Variants in CLIP2 observed in about 807,000 individuals in gnomAD.
CLIP2 encodes CAP-Gly domain-containing linker protein 2.
A neutral mutation model predicts 111.7 loss-of-function variants in CLIP2; 41 were observed. The ratio of observed to expected loss-of-function variants is 0.37; its 90% CI spans 0.29 to 0.48. The LOEUF (loss-of-function observed/expected upper bound fraction) is 0.48, where lower values mean the gene tolerates loss of function less well. Among genes scored for constraint, CLIP2 ranks in the 20% least tolerant of loss-of-function variants. The probability of loss-of-function intolerance (pLI) is 0.99; values close to 1 mark genes in which losing one functional copy is unlikely to be tolerated. For synonymous variants in CLIP2, 660 were observed against 644.2 expected, an observed-to-expected ratio of 1.02 and a Z score of -0.37; for missense variants, 1,160 against 1,422.1, an observed-to-expected ratio of 0.82 and a Z score of 2.96.
intron 1 of CLIP2, among the ~76,000 whole-genome samples, chr7:74,316,307 C>T (rs1211646549): frequency 6.6e-6 from 1 of 151,166 alleles, no homozygotes; most frequent in East Asian, 2.0e-4. Context: ...TGCAGTGGTG[C>T]CGTCATAGCT....
chr7:74,311,740 T>A (rs1476169061), intron 1 of CLIP2, among the ~76,000 whole-genome samples: 3 of 150,570 alleles, frequency 2.0e-5, no homozygotes, highest in East Asian at 3.9e-4. Flanking sequence ...CTAGACCCAG[T>A]CTCTACAAAA....
At position 74,404,252 on chromosome 7, in the gene CLIP2, G is replaced by A. The variant is rs1314199017; in HGVS notation, c.*404G>A. ...TCGGGTCTCCCCAGAGGGGCCGGCG[G>A]GGGCTGGGGAGGGGGTAAGTTTATC... On this transcript the variant is annotated 3_prime_UTR_variant, in exon 17 of 17. Transcript: ENST00000223398. 3 of 212,840 alleles carry A rather than the reference G, an allele frequency of 1.4e-5. No homozygotes were observed. The highest frequency in any genetic ancestry group is 1.9e-5 in the Non-Finnish European group (2 of 104,294). 13.2% of individuals were successfully genotyped at this position (212,840 alleles called of 1,614,324 possible). A position where few individuals can be genotyped will look rare whatever the true frequency, so the allele number is the denominator to read the frequency against.
At chr7:74,393,341 TC>T (rs1791350083) in intron 13 of CLIP2, among the ~76,000 whole-genome samples, 1 of 150,310 alleles carries the variant, frequency 6.7e-6, no homozygotes, top group Non-Finnish European at 1.5e-5. Flanking sequence ...CATTTGCATT[TC>T]TTTTTTTTTT....
intron 8 of CLIP2, among the ~76,000 whole-genome samples, chr7:74,365,288 G>A (rs1341919102): frequency 6.6e-6 from 1 of 152,106 alleles, no homozygotes; most frequent in African/African-American, 2.4e-5. Context: ...CACCATGGGG[G>A]CTTACTGAAG....
intron 1 of CLIP2, among the ~76,000 whole-genome samples, chr7:74,291,309 G>C (rs1554725342): frequency 6.6e-6 from 1 of 152,170 alleles, no homozygotes; most frequent in Non-Finnish European, 1.5e-5. Flanking sequence ...TGCAGGCTGG[G>C]AAGGTGGTGC....
At chr7:74,367,742 C>G (rs1188323927) in intron 8 of CLIP2, among the ~76,000 whole-genome samples, 2 of 152,138 alleles carry the variant, frequency 1.3e-5, no homozygotes, top group African/African-American at 4.8e-5. Context: ...TCCCCTAACA[C>G]CACCCCCCTT....
chr7:74,335,866 C>A (rs1425573766), intron 2 of CLIP2, among the ~76,000 whole-genome samples: 2 of 151,692 alleles, frequency 1.3e-5, no homozygotes, highest in Admixed American at 1.3e-4. Flanking sequence ...CCTCAGCCTC[C>A]TGAGTAGCTG....
At chr7:74,325,353 G>T (rs1271127158) in intron 2 of CLIP2, among the ~76,000 whole-genome samples, 1 of 152,156 alleles carries the variant, frequency 6.6e-6, no homozygotes, top group Admixed American at 6.6e-5. Context: ...GTCCTGGGTG[G>T]AGCAGCGTGG....
Position 74,397,109 on chromosome 7 carries a change from C to T in CLIP2, c.2756C>T (p.Ala919Val). 1 of 1,613,786 alleles carries T rather than the reference C, an allele frequency of 6.2e-7. No homozygotes were observed. Among genetic ancestry groups the T allele is most frequent in the Non-Finnish European group, 8.5e-7 (1 of 1,179,928 alleles). ...GAACTGCGGGTGTTGCTGCTGGAGGCCAATCGTCACTCCCCAGGGCCGGAG... is the reference window on the plus strand; with the variant it reads ...GAACTGCGGGTGTTGCTGCTGGAGGTCAATCGTCACTCCCCAGGGCCGGAG... ...LNELRVLLLEANRHSPGPERD... is the reference protein window; with the variant it reads ...LNELRVLLLEVNRHSPGPERD... The change falls in exon 14 of 17, where the codon GCC becomes GTC. Residue 919 changes from alanine to valine, a missense_variant. Around this residue, in one of 5 missense-constraint regions of CLIP2, gnomAD observed 676 missense variants for 777.8 expected, o/e 0.87. Coordinates refer to ENST00000223398, the MANE Select transcript of CLIP2 (RefSeq NM_003388.5).
intron 16 of CLIP2, among the ~76,000 whole-genome samples, chr7:74,402,386 G>A (rs570925270): frequency 1.4e-4 from 21 of 150,362 alleles, no homozygotes; most frequent in African/African-American, 3.2e-4. Context: ...GTAGGGTGGC[G>A]CACACCTGTA....
chr7:74,377,361 G>A (rs1286284867), intron 10 of CLIP2, among the ~76,000 whole-genome samples: 1 of 152,218 alleles, frequency 6.6e-6, no homozygotes, highest in Non-Finnish European at 1.5e-5. Flanking sequence ...AGTGGGGTCT[G>A]GAAGGCTAGA....
chr7:74,314,019 A>G (rs1278574394), intron 1 of CLIP2, among the ~76,000 whole-genome samples: 1 of 151,834 alleles, frequency 6.6e-6, no homozygotes, highest in African/African-American at 2.4e-5. Context: ...CCCCCTCTCT[A>G]CTAAAATACA....
intron 1 of CLIP2, among the ~76,000 whole-genome samples, chr7:74,309,575 C>T (rs988434364): frequency 1.3e-5 from 2 of 151,358 alleles, no homozygotes; most frequent in Non-Finnish European, 2.9e-5. Flanking sequence ...AACATTCATC[C>T]GGCCGGGCGT....
Position 74,372,971 on chromosome 7 carries a change from G to A in CLIP2, c.1420G>A (p.Glu474Lys). 6.2e-7 allele frequency: 1 copy of A among 1,601,496 alleles called. No individual in the cohort carries two copies. Among genetic ancestry groups the A allele is most frequent in the Non-Finnish European group, 8.5e-7 (1 of 1,176,360 alleles). ...QLEHARIGELEQSLLLEKAQA... is the reference protein window; with the variant it reads ...QLEHARIGELKQSLLLEKAQA... ...GGAGCACGCGCGCATTGGGGAGCTG[G>A]AACAGAGCCTGCTACTGGAGAAGGC... Residue 474 changes from glutamate (E) to lysine (K), a missense_variant, in exon 9 of 17, where the codon GAA (glutamate) becomes AAA (lysine). This residue lies in a region of CLIP2 where 676 missense variants were observed against 777.8 expected (regional missense o/e 0.87). Transcript: ENST00000223398.
Position 74,401,506 on chromosome 7 carries a change from C to A in CLIP2, c.3068C>A (p.Thr1023Asn). The A allele has an allele frequency of 7.4e-6, 12 of 1,614,072 alleles. No individual in the cohort carries two copies. Among genetic ancestry groups the A allele is most frequent in the Non-Finnish European group, 1.0e-5 (12 of 1,179,984 alleles). ...CAGTGTCTCCCCTAACTCTTCCAGA[C>A]CATCGGCAATTCCGGTTCTGCAAAC... ...AMRSCPDKAQ[T>N]IGNSGSANGI... Residue 1023 changes from threonine (T) to asparagine (N), a missense_variant and splice_region_variant, in exon 16 of 17, where the codon ACC becomes AAC. By Grantham distance (65) the Thr-to-Asn change is moderately conservative. This residue lies in a region of CLIP2 where 676 missense variants were observed against 777.8 expected (regional missense o/e 0.87). Coordinates refer to ENST00000223398, the MANE Select transcript of CLIP2 (RefSeq NM_003388.5).
Position 74,338,934 on chromosome 7 carries a change from G to GA in CLIP2, c.609dup (p.Ser204IlefsTer58). ...TCCGTGAAGACTGGCAACGAGTCGG[G>GA]ATCCAACCTCTCAGACAGCGGCTCT... On this transcript the variant is annotated frameshift_variant, in exon 3 of 17. Transcript: ENST00000223398. LOFTEE classifies it high-confidence loss of function. The surrounding 1 kb of genome is among the most constrained non-coding windows in gnomAD (Gnocchi z 4.3). 1 of 1,600,724 alleles carries GA rather than the reference G, an allele frequency of 6.2e-7. No homozygotes were observed. Among genetic ancestry groups the GA allele is most frequent in the Non-Finnish European group, 8.5e-7 (1 of 1,179,870 alleles).
chr7:74,390,150 A>G (rs1288128881), intron 13 of CLIP2, among the ~76,000 whole-genome samples: 1 of 62,926 alleles, frequency 1.6e-5, no homozygotes, highest in African/African-American at 7.1e-5. Flanking sequence ...GAAAGAAAGA[A>G]AAAGAAAGAA....
chr7:74,381,412 C>G (rs552436136), intron 11 of CLIP2, among the ~76,000 whole-genome samples: 99 of 152,296 alleles, frequency 6.5e-4, no homozygotes, highest in Non-Finnish European at 1.1e-3. Flanking sequence ...TGGTCTCGAT[C>G]TCCTGACTGC....
intron 2 of CLIP2, among the ~76,000 whole-genome samples, chr7:74,324,103 C>T (rs1789049100): frequency 1.3e-5 from 2 of 152,186 alleles, no homozygotes; most frequent in African/African-American, 2.4e-5. Flanking sequence ...AGCGATTCTT[C>T]TGCCTCAGCC....
Sources: gnomAD v4.1 joint callset for allele counts (sites outside exome capture counted in the v4.1 genomes callset) on GRCh38, gnomAD v4.1.1 for gene constraint, gnomAD v4.1.1 regional missense constraint, Gnocchi (gnomAD v3.1) non-coding constraint, MANE v1.5 for transcripts, NCBI Gene and HGNC (gene_info 2026-07-23, HGNC 2026-07-21) for gene names.